Variants in PKD1L1 observed in about 807,000 individuals in gnomAD.
The protein encoded by PKD1L1 is polycystin 1 like 1, transient receptor potential channel interacting.
Under a neutral mutation model 323.4 loss-of-function variants are expected in PKD1L1, and 236 were observed. That is an observed-to-expected ratio of 0.73 (90% CI 0.66 to 0.81). PKD1L1 has a LOEUF of 0.81. Ranked by LOEUF, PKD1L1 falls within the 40% of genes least tolerant of loss-of-function variation. The pLI is 0.00. For synonymous variants in PKD1L1, 1,344 were observed against 1,335.0 expected, an observed-to-expected ratio of 1.01 and a Z score of -0.15; for missense variants, 3,320 against 3,508.0, an observed-to-expected ratio of 0.95 and a Z score of 1.35.
intron 46 of PKD1L1, among the ~76,000 whole-genome samples, chr7:47,816,679 G>C (rs1785026502): frequency 6.6e-6 from 1 of 152,194 alleles, no homozygotes; most frequent in Admixed American, 6.5e-5. Context: ...TCAGGAAAAG[G>C]AATTTTGTCA....
At chr7:47,921,985 G>A (rs961590521) in intron 7 of PKD1L1, among the ~76,000 whole-genome samples, 79 of 149,556 alleles carry the variant, frequency 5.3e-4, no homozygotes, top group African/African-American at 1.8e-3. Context: ...CTGTACTGCT[G>A]CCATCTCCAC....
rs750489277 is a variant in PKD1L1, at chr7:47,792,693, G to A, written c.8460C>T (p.Asn2820=). Reference sequence around the variant, plus strand: ...CTTCTGTCCTTGCCTCCCCTGTGTTGTTGGATGTTTTTTCCAGAAGGGGGA... The same window carrying A: ...CTTCTGTCCTTGCCTCCCCTGTGTTATTGGATGTTTTTTCCAGAAGGGGGA... ...LQLPLLEKTS[N]NTGEARTEES... Residue 2820 remains asparagine (N), a synonymous_variant, in exon 56 of 57, where the codon AAC becomes AAT. Transcript: ENST00000289672. 33 of 1,613,986 alleles carry A rather than the reference G, an allele frequency of 2.0e-5. No homozygotes were observed. Among genetic ancestry groups the A allele is most frequent in the Admixed American group, 3.3e-5 (2 of 60,008 alleles).
At chr7:47,913,291 C>T (rs535975985) in intron 8 of PKD1L1, among the ~76,000 whole-genome samples, 2 of 152,200 alleles carry the variant, frequency 1.3e-5, no homozygotes, top group South Asian at 2.1e-4. Flanking sequence ...CAAACAGGAA[C>T]ACCATGCCAA....
At chr7:47,804,469 ATTTTTT>A (rs71966592) in intron 52 of PKD1L1, among the ~76,000 whole-genome samples, 1 of 123,044 alleles carries the variant, frequency 8.1e-6, no homozygotes. Context: ...TACATTTTTA[ATTTTTT>A]TTTTTTTTTT....
intron 54 of PKD1L1, 35 bp from the exon 55 acceptor site, chr7:47,796,185 G>A: frequency 6.6e-6 from 10 of 1,504,928 alleles, no homozygotes; most frequent in Non-Finnish European, 9.0e-6. Flanking sequence ...CAAATTTCAT[G>A]TTAGCAGCCT....
Position 47,789,973 on chromosome 7 carries a change from C to G in PKD1L1, c.8526+2654G>C, listed in dbSNP as rs377584036. On this transcript the variant is annotated intron_variant, in intron 56 of 56. Transcript: ENST00000289672. The stretch of plus-strand genomic sequence containing the variant: ...GTGTGATCTCGGCTCACCGCAACCT[C>G]TGCCTCCCAGGTTCAAGCAATTCTC... Among the ~76,000 whole-genome samples the G allele has an allele frequency of 8.5e-5, 13 of 152,106 alleles. No individual in the cohort carries two copies. The East Asian group carries it at 2.1e-3, about 25-fold the overall frequency.
intron 44 of PKD1L1, among the ~76,000 whole-genome samples, chr7:47,828,371 A>T (rs984634449): frequency 1.3e-5 from 2 of 151,966 alleles, no homozygotes; most frequent in Non-Finnish European, 2.9e-5. Context: ...AGGGGAGAAG[A>T]GGAAGGAGAG....
At chr7:47,838,893 A>G (rs1320549645) in intron 36 of PKD1L1, among the ~76,000 whole-genome samples, 3 of 151,698 alleles carry the variant, frequency 2.0e-5, no homozygotes, top group Non-Finnish European at 4.4e-5. Context: ...AAAAAAAAAA[A>G]AAAAGAAAGA....
Position 47,840,651 on chromosome 7 carries a change from C to T in PKD1L1, c.5446-84G>A, listed in dbSNP as rs1217061919. 3 of 1,051,520 alleles carry T rather than the reference C, an allele frequency of 2.9e-6. No homozygotes were observed. The African/African-American group carries it at 4.7e-5, about 16-fold the overall frequency. 65.1% of individuals were successfully genotyped at this position (1,051,520 alleles called of 1,614,324 possible). A position where few individuals can be genotyped will look rare whatever the true frequency, so the allele number is the denominator to read the frequency against. ...GCTGGGCAGGGCTTCCTCGCACTTT[C>T]TCCCAGCGTCCCACCCTTCCTCAAA... On this transcript the variant is annotated intron_variant, in intron 34 of 56. Transcript: ENST00000289672. The surrounding 1 kb of genome is among the most constrained non-coding windows in gnomAD (Gnocchi z 4.1).
intron 36 of PKD1L1, among the ~76,000 whole-genome samples, 156 bp from the exon 37 acceptor site, chr7:47,837,250 G>A (rs770880080): frequency 8.5e-5 from 13 of 152,238 alleles, no homozygotes; most frequent in Non-Finnish European, 1.9e-4. Context: ...CTGTGGTGCA[G>A]GTAGACAGCA....
At chr7:47,853,011 A>G (rs1785815262) in intron 31 of PKD1L1, 116 bp downstream of exon 31, 2 of 736,298 alleles carry the variant, frequency 2.7e-6, no homozygotes, top group South Asian at 3.6e-5. Context: ...AAGCAGAGAA[A>G]GGATTCTGAT....
chr7:47,874,106 T>C lies in PKD1L1; in HGVS notation c.3785-96A>G, dbSNP rs1014381753. On this transcript the variant is annotated intron_variant, in intron 23 of 56. Coordinates refer to ENST00000289672, the MANE Select transcript of PKD1L1 (RefSeq NM_138295.5). ...ACAGCATCTTCTGGATGACTAAAAC[T>C]GTGACAAGTGCTGACAAAGGGGCCA... 5.3e-6 allele frequency: 4 copies of C among 759,932 alleles called. No homozygotes were observed. In the African/African-American group the frequency reaches 7.0e-5, roughly 13 times the overall value. 47.1% of individuals were successfully genotyped at this position (759,932 alleles called of 1,614,324 possible). A position where few individuals can be genotyped will look rare whatever the true frequency, so the allele number is the denominator to read the frequency against.
the PKD1L1 span, among the ~76,000 whole-genome samples, chr7:47,957,747 T>G: frequency 6.6e-6 from 1 of 151,742 alleles, no homozygotes; most frequent in Non-Finnish European, 1.5e-5. Flanking sequence ...TCACCTGCCT[T>G]GGCCTCCCAA....
At chr7:47,886,869 C>T (rs1352931696) in intron 17 of PKD1L1, among the ~76,000 whole-genome samples, 8 of 152,040 alleles carry the variant, frequency 5.3e-5, no homozygotes. Flanking sequence ...TCTAGTATAA[C>T]AGTTTTCAAA....
chr7:47,877,388 GA>G (rs1232492379), intron 22 of PKD1L1, 100 bp downstream of exon 22: 35 of 1,472,130 alleles, frequency 2.4e-5, no homozygotes, highest in Non-Finnish European at 9.3e-6. Flanking sequence ...TCACAGGTGG[GA>G]AGGACATTGC....
At chr7:47,781,409 G>GTTTTTTT (rs60759497) in intron 56 of PKD1L1, among the ~76,000 whole-genome samples, 12 of 71,770 alleles carry the variant, frequency 1.7e-4, no homozygotes, top group East Asian at 6.1e-4. Context: ...GTTTTGTTTT[G>GTTTTTTT]TTTTTTTTTT....
intron 7 of PKD1L1, among the ~76,000 whole-genome samples, chr7:47,915,923 T>C (rs1160233765): frequency 6.6e-6 from 1 of 152,164 alleles, no homozygotes; most frequent in Non-Finnish European, 1.5e-5. Flanking sequence ...TCTTAACAGA[T>C]GAATTTCCAT....
chr7:47,950,900 A>C (rs775466948), upstream of PKD1L1, among the ~76,000 whole-genome samples: 10 of 152,148 alleles, frequency 6.6e-5, no homozygotes, highest in Non-Finnish European at 8.8e-5. Flanking sequence ...CTGCATCCAG[A>C]CAAGGGAGGG....
chr7:47,830,713 C>A (rs1225928889), intron 42 of PKD1L1, among the ~76,000 whole-genome samples: 1 of 152,156 alleles, frequency 6.6e-6, no homozygotes, highest in Non-Finnish European at 1.5e-5. Context: ...GGTTTATGAA[C>A]CACACTGAGT....
Sources: allele counts gnomAD v4.1 joint callset (sites outside exome capture counted in the v4.1 genomes callset), GRCh38; gene constraint gnomAD v4.1.1; non-coding constraint Gnocchi (gnomAD v3.1); transcripts MANE v1.5; gene names NCBI Gene and HGNC (gene_info 2026-07-23, HGNC 2026-07-21).